RNF150: variants seen among roughly 807,000 people sequenced by gnomAD.
RNF150 encodes ring finger protein 150.
In RNF150, 24 loss-of-function variants were observed where a neutral mutation model predicts 39.3. That is an observed-to-expected ratio of 0.61 (90% confidence interval 0.44 to 0.86). The LOEUF (loss-of-function observed/expected upper bound fraction) is 0.86, where lower values mean the gene tolerates loss of function less well. Ranked by LOEUF, RNF150 falls within the 40% of genes least tolerant of loss-of-function variation. RNF150 has a pLI of 0.00. For synonymous variants in RNF150, 255 were observed against 227.3 expected, an observed-to-expected ratio of 1.12 and a Z score of -1.10; for missense variants, 502 against 587.8, an observed-to-expected ratio of 0.85 and a Z score of 1.51.
intron 1 of RNF150, among the ~76,000 whole-genome samples, chr4:140,986,233 C>G (rs1199647583): frequency 6.6e-6 from 1 of 152,050 alleles, no homozygotes; most frequent in South Asian, 2.1e-4. Context: ...CCCACGTCTG[C>G]TTTCTAGAAC....
At position 141,200,956 on chromosome 4, in the gene RNF150, T is replaced by C. The variant is rs1429857259; in HGVS notation, c.-6+11838A>G. On this transcript the variant is annotated intron_variant, in intron 1 of 7. Coordinates refer to the RNF150 transcript ENST00000420921. ...TCTATTTTACTAGTTAGGACTCCTT[T>C]GGTTGCAAACAGCAGAAACCCAATC... Among the ~76,000 whole-genome samples the C allele has an allele frequency of 2.0e-5, 3 of 152,164 alleles. No homozygotes were observed. The East Asian group carries it at 5.8e-4, about 29-fold the overall frequency.
intron 6 of RNF150, among the ~76,000 whole-genome samples, chr4:140,902,259 A>T (rs1437732160): frequency 6.6e-6 from 1 of 152,220 alleles, no homozygotes; most frequent in Non-Finnish European, 1.5e-5. Context: ...AAGGAGGACA[A>T]TAGCATGGAA....
intron 1 of RNF150, among the ~76,000 whole-genome samples, chr4:141,104,956 C>T (rs1456189101): frequency 2.6e-5 from 4 of 152,152 alleles, no homozygotes; most frequent in Non-Finnish European, 5.9e-5. Flanking sequence ...TTGCAGCCTC[C>T]AGACATTGAT....
At chr4:140,899,812 G>C (rs1340103533) in intron 6 of RNF150, among the ~76,000 whole-genome samples, 1 of 133,628 alleles carries the variant, frequency 7.5e-6, no homozygotes, top group African/African-American at 2.6e-5. Context: ...CTTTTCTCCA[G>C]AAGTTTTCCC....
At chr4:140,886,190 C>CAA (rs1171164182) in intron 6 of RNF150, among the ~76,000 whole-genome samples, 24,492 of 73,604 alleles carry the variant, frequency 0.33, 3,451 homozygotes, top group East Asian at 0.44. Flanking sequence ...GACTCCATCA[C>CAA]AAAAAAAAAA....
chr4:140,891,577 G>A (rs993325026), intron 6 of RNF150, among the ~76,000 whole-genome samples: 1 of 152,168 alleles, frequency 6.6e-6, no homozygotes, highest in Non-Finnish European at 1.5e-5. Context: ...ATTTAGCACA[G>A]TTGTCCTTCC....
At chr4:141,192,962 G>T (rs1266965265) in intron 1 of RNF150, among the ~76,000 whole-genome samples, 2 of 152,150 alleles carry the variant, frequency 1.3e-5, no homozygotes, top group African/African-American at 2.4e-5. Flanking sequence ...ACATTCTTCA[G>T]GTTCTTCCAA....
At chr4:141,167,369 C>T (rs573519349) in intron 1 of RNF150, among the ~76,000 whole-genome samples, 1 of 152,256 alleles carries the variant, frequency 6.6e-6, no homozygotes, top group East Asian at 1.9e-4. Context: ...GGCCATACTG[C>T]CCAGAGTAAT....
chr4:141,166,551 C>T (rs1329673265), intron 1 of RNF150, among the ~76,000 whole-genome samples: 1 of 152,214 alleles, frequency 6.6e-6, no homozygotes, highest in Non-Finnish European at 1.5e-5. Context: ...CAGTAAAATA[C>T]TGGCAAACCA....
intron 1 of RNF150, among the ~76,000 whole-genome samples, chr4:141,040,588 A>T (rs1736320513): frequency 6.6e-6 from 1 of 152,158 alleles, no homozygotes; most frequent in Non-Finnish European, 1.5e-5. Flanking sequence ...AAATCAAGGC[A>T]CTTCTGCAAG....
chr4:141,045,732 C>T (rs913888393), intron 1 of RNF150, among the ~76,000 whole-genome samples: 24 of 151,854 alleles, frequency 1.6e-4, no homozygotes, highest in African/African-American at 4.3e-4. Flanking sequence ...TTAGTAGAGA[C>T]GGGGTTTCAC....
intron 1 of RNF150, among the ~76,000 whole-genome samples, chr4:141,193,819 A>G (rs1309616636): frequency 6.6e-6 from 1 of 152,238 alleles, no homozygotes; most frequent in Non-Finnish European, 1.5e-5. Context: ...GGGAGGGGTC[A>G]GTGAATTCTC....
At chr4:141,061,148 A>G (rs1197898725) in intron 1 of RNF150, among the ~76,000 whole-genome samples, 1 of 152,026 alleles carries the variant, frequency 6.6e-6, no homozygotes, top group Non-Finnish European at 1.5e-5. Flanking sequence ...AATAAAAAAA[A>G]GTAAAAAAAA....
At chr4:141,154,665 A>C (rs1560761708) in intron 1 of RNF150, among the ~76,000 whole-genome samples, 1 of 152,240 alleles carries the variant, frequency 6.6e-6, no homozygotes, top group East Asian at 1.9e-4. Flanking sequence ...CTTAAAATGC[A>C]GACCACATAT....
chr4:140,905,547 A>T (rs2111259660), intron 6 of RNF150, among the ~76,000 whole-genome samples: 1 of 152,270 alleles, frequency 6.6e-6, no homozygotes, highest in East Asian at 1.9e-4. Flanking sequence ...AATGGAAAAG[A>T]AGGGGAAGAA....
chr4:140,865,584 T>C lies in RNF150; in HGVS notation c.*2677A>G, dbSNP rs1329297172. The C allele has an allele frequency of 6.8e-6, 1 of 147,902 alleles. No homozygotes were observed. The allele number at this position is 147,902 out of a possible 1,614,324, so 9.2% of individuals were successfully genotyped here. ...TTTTTTTTTTTTAAACTATCAAAGC[T>C]ACAGGAAAATCCTCCAGAAACAAAC... On this transcript the variant is annotated 3_prime_UTR_variant, in exon 7 of 7. Transcript: ENST00000515673.
chr4:141,021,895 C>T (rs1735508126), intron 1 of RNF150, among the ~76,000 whole-genome samples: 2 of 152,216 alleles, frequency 1.3e-5, no homozygotes, highest in African/African-American at 4.8e-5. Flanking sequence ...ACTTTTGTGG[C>T]AGTGTGCAGA....
chr4:141,038,043 A>AG (rs914741060), intron 1 of RNF150, among the ~76,000 whole-genome samples: 1 of 152,192 alleles, frequency 6.6e-6, no homozygotes, highest in Non-Finnish European at 1.5e-5. Context: ...TATGCAGAGA[A>AG]GGGGGACCCC....
chr4:141,105,222 G>A (rs1739157731), intron 1 of RNF150, among the ~76,000 whole-genome samples: 1 of 152,076 alleles, frequency 6.6e-6, no homozygotes, highest in African/African-American at 2.4e-5. Context: ...TGAATTAAAG[G>A]CTTTTTCCAA....
Sources: gnomAD v4.1 joint callset for allele counts (sites outside exome capture counted in the v4.1 genomes callset) on GRCh38, gnomAD v4.1.1 for gene constraint, MANE v1.5 for transcripts, NCBI Gene and HGNC (gene_info 2026-07-23, HGNC 2026-07-21) for gene names.